FBXO8: variants seen among roughly 807,000 people sequenced by gnomAD.
FBXO8 encodes the protein F-box only protein 8.
FBXO8 carries 15 observed loss-of-function variants against 33.4 expected under a neutral mutation model. The observed-to-expected ratio is 0.45, with a 90% CI of 0.30 to 0.69. The LOEUF is 0.69. Among genes scored for constraint, FBXO8 ranks in the 30% least tolerant of loss-of-function variants. The pLI is 0.08. For missense variants in FBXO8, 274 were observed against 380.3 expected (o/e 0.72, Z 2.32); for synonymous variants, 132 against 131.5 (o/e 1.00, Z -0.02).
At chr4:174,240,648 T>C (rs1736014721) in intron 4 of FBXO8, among the ~76,000 whole-genome samples, 1 of 151,762 alleles carries the variant, frequency 6.6e-6, no homozygotes, top group African/African-American at 2.4e-5. Context: ...ATAACATTTC[T>C]ATATAGTGTC....
At chr4:174,250,299 T>C (rs1736257229) in intron 3 of FBXO8, among the ~76,000 whole-genome samples, 4 of 152,006 alleles carry the variant, frequency 2.6e-5, no homozygotes. Context: ...CCAGCTGACT[T>C]TCAAGACATG....
At position 174,281,342 on chromosome 4, in the gene FBXO8, G is replaced by A. The variant is rs1737082747; in HGVS notation, c.-9+2068C>T. On this transcript the variant is annotated intron_variant, in intron 1 of 5. Coordinates refer to ENST00000393674, the MANE Select transcript of FBXO8 (RefSeq NM_012180.3). The surrounding 1 kb of genome is among the most constrained non-coding windows in gnomAD (Gnocchi z 4.6). ...AAATACACGAACTGCTGACTAAATG[G>A]TTAAACTCCCTAAAGCTGTTGCCTA... Among the ~76,000 whole-genome samples the A allele has an allele frequency of 1.3e-5, 2 of 152,084 alleles. No individual in the cohort carries two copies. The highest frequency in any genetic ancestry group is 4.1e-4 in the South Asian group (2 of 4,824).
Position 174,262,625 on chromosome 4 carries a change from T to C in FBXO8, c.329+139A>G, listed in dbSNP as rs987971765. ...GACTGTGATGCTAACTGTATATTTT[T>C]CCAGGTTTTAATAAAGAGCATCTCA... On this transcript the variant is annotated intron_variant, in intron 2 of 5. Transcript: ENST00000393674. This position sits in a 1 kb window ranked among gnomAD's most constrained non-coding sequence, Gnocchi z 4.6. The C allele has an allele frequency of 3.0e-6, 2 of 672,264 alleles. No individual in the cohort carries two copies. The highest frequency in any genetic ancestry group is 5.9e-5 in the Admixed American group (2 of 34,022). The allele number at this position is 672,264 out of a possible 1,614,324, so 41.6% of individuals were successfully genotyped here.
rs1736504652 is a variant in FBXO8 at position 174,259,702 on chromosome 4, A to T, written c.453T>A (p.Asp151Glu). The T allele has an allele frequency of 6.2e-7, 1 of 1,609,284 alleles. No individual in the cohort carries two copies. Among genetic ancestry groups the T allele is most frequent in the Non-Finnish European group, 8.5e-7 (1 of 1,178,154 alleles). ...AATATTCAAGTTCTTCACTAACCTC[A>T]TCTGGGTTGGCATTAAAGGTGAGGC... ...EGSLTFNANP[D>E]EGVNYFMSKG... Residue 151 changes from aspartate (D) to glutamate (E), a missense_variant, in exon 3 of 6, where the codon GAT becomes GAA. Physicochemically the swap from Asp to Glu is conservative, Grantham distance 45. Coordinates refer to ENST00000393674, the MANE Select transcript of FBXO8 (RefSeq NM_012180.3). The surrounding 1 kb of genome is among the most constrained non-coding windows in gnomAD (Gnocchi z 4.3).
In FBXO8 at chr4:174,277,685, A is replaced by G. The variant is rs937385971; in HGVS notation, c.-9+5725T>C. ...GACATATGAATAGCCTCATTTAAATACACATTATAAATGGTCATTTTTCTT... is the reference window on the plus strand; with the variant it reads ...GACATATGAATAGCCTCATTTAAATGCACATTATAAATGGTCATTTTTCTT... On this transcript the variant is annotated intron_variant, in intron 1 of 5. Transcript: ENST00000393674. This position sits in a 1 kb window ranked among gnomAD's most constrained non-coding sequence, Gnocchi z 4.9. Among the ~76,000 whole-genome samples, 3 of 152,182 alleles carry G rather than the reference A, an allele frequency of 2.0e-5. No homozygotes were observed. The highest frequency in any genetic ancestry group is 2.0e-4 in the Admixed American group (3 of 15,282).
At chr4:174,250,526 C>CA (rs572388143) in intron 3 of FBXO8, among the ~76,000 whole-genome samples, 2 of 151,938 alleles carry the variant, frequency 1.3e-5, no homozygotes, top group Non-Finnish European at 2.9e-5. Flanking sequence ...TGCTAACAAC[C>CA]AAAAGAGATT....
rs576335052 is a variant in FBXO8 at position 174,261,852 on chromosome 4, G to A, written c.329+912C>T. Among the ~76,000 whole-genome samples the A allele has an allele frequency of 6.6e-6, 1 of 152,060 alleles. No individual in the cohort carries two copies. Among genetic ancestry groups the A allele is most frequent in the African/African-American group, 2.4e-5 (1 of 41,520 alleles). On this transcript the variant is annotated intron_variant, in intron 2 of 5. Coordinates refer to ENST00000393674, the MANE Select transcript of FBXO8 (RefSeq NM_012180.3). This position sits in a 1 kb window ranked among gnomAD's most constrained non-coding sequence, Gnocchi z 4.1. ...GATTTCTAGTTTGAAATTATAGGAA[G>A]TCTTAAAAAGATATTTGTTTTTAGT... is the stretch of plus-strand genomic sequence containing the variant.
rs114563211 is a variant in FBXO8, at chr4:174,246,563, T to C, written c.457-5345A>G. On this transcript the variant is annotated intron_variant, in intron 3 of 5. Transcript: ENST00000393674. Reference sequence around the variant, plus strand: ...TATATTAGTACAAAGGAGGAAAAAATGGCAAAATTAAAGGGAAAAAAGAGA... The same window carrying C: ...TATATTAGTACAAAGGAGGAAAAAACGGCAAAATTAAAGGGAAAAAAGAGA... Among the ~76,000 whole-genome samples, 807 of 150,566 alleles carry C rather than the reference T, an allele frequency of 5.4e-3. 7 individuals carry two copies. Among genetic ancestry groups the C allele is most frequent in the African/African-American group, 0.018 (753 of 41,014 alleles).
rs528824518 is a variant in FBXO8 at position 174,241,232 on chromosome 4, A to C, written c.457-14T>G. 5 of 1,465,086 alleles carry C rather than the reference A, an allele frequency of 3.4e-6. No individual in the cohort carries two copies. The Admixed American group carries it at 9.1e-5, about 27-fold the overall frequency. 90.8% of individuals were successfully genotyped at this position (1,465,086 alleles called of 1,614,324 possible). On this transcript the variant is annotated splice_polypyrimidine_tract_variant and intron_variant, in intron 3 of 5. Transcript: ENST00000393674. This position sits in a 1 kb window ranked among gnomAD's most constrained non-coding sequence, Gnocchi z 4.2. ...GTAGTTCACTCCCTAAGGCAGAAAGACAAGTCTACATAAATAAAATTGCTC... is the reference window on the plus strand; with the variant it reads ...GTAGTTCACTCCCTAAGGCAGAAAGCCAAGTCTACATAAATAAAATTGCTC...
In FBXO8 at chr4:174,274,551, G is replaced by T. The variant is rs1736909520; in HGVS notation, c.-9+8859C>A. 1.3e-5 allele frequency among the ~76,000 whole-genome samples: 2 copies of T among 152,058 alleles called. No individual in the cohort carries two copies. Among genetic ancestry groups the T allele is most frequent in the South Asian group, 4.1e-4 (2 of 4,824 alleles). ...GGAGAGATGCCATTTACATAGCAAGGCCATAGTTCCAACACGCACTAGTTT... is the reference window on the plus strand; with the variant it reads ...GGAGAGATGCCATTTACATAGCAAGTCCATAGTTCCAACACGCACTAGTTT... On this transcript the variant is annotated intron_variant, in intron 1 of 5. Coordinates refer to ENST00000393674, the MANE Select transcript of FBXO8 (RefSeq NM_012180.3). The surrounding 1 kb of genome is among the most constrained non-coding windows in gnomAD (Gnocchi z 4.0).
rs772681544 is a variant in FBXO8, at chr4:174,262,950, T to G, written c.143A>C (p.Gln48Pro). 3.7e-6 allele frequency: 6 copies of G among 1,614,064 alleles called. No individual in the cohort carries two copies. In the Middle Eastern group the frequency reaches 6.6e-4, roughly 178 times the overall value. Residue 48 changes from glutamine (Q) to proline (P), a missense_variant, in exon 2 of 6, where the codon CAA becomes CCA. By Grantham distance (76) the Gln-to-Pro change is moderately conservative (BLOSUM62 -1). This residue lies in a region of FBXO8 where 88 missense variants were observed against 86.9 expected (regional missense o/e 1.01). Coordinates refer to ENST00000393674, the MANE Select transcript of FBXO8 (RefSeq NM_012180.3). This position sits in a 1 kb window ranked among gnomAD's most constrained non-coding sequence, Gnocchi z 4.6. Reference protein sequence around the residue: ...ISNTNHRKQVQGGIDIYHLLK... With the variant: ...ISNTNHRKQVPGGIDIYHLLK... ...AAGATGATATATGTCAATGCCTCCT[T>G]GGACTTGTTTACGATGATTGGTGTT...
At chr4:174,280,778 G>T (rs536762917) in intron 1 of FBXO8, among the ~76,000 whole-genome samples, 1 of 152,226 alleles carries the variant, frequency 6.6e-6, no homozygotes, top group East Asian at 1.9e-4. Context: ...ATGAGGTTTT[G>T]GTTCTTTACC....
Position 174,247,570 on chromosome 4 carries a change from T to C in FBXO8, c.457-6352A>G, listed in dbSNP as rs1216485087. On this transcript the variant is annotated intron_variant, in intron 3 of 5. Coordinates refer to ENST00000393674, the MANE Select transcript of FBXO8 (RefSeq NM_012180.3). The surrounding 1 kb of genome is among the most constrained non-coding windows in gnomAD (Gnocchi z 4.6). ...TCAATCTAGATTTCTAACTTTTCTT[T>C]CAACATGATAACCAATATATTATTT... Among the ~76,000 whole-genome samples the C allele has an allele frequency of 2.6e-5, 4 of 152,056 alleles. No homozygotes were observed. Among genetic ancestry groups the C allele is most frequent in the African/African-American group, 9.7e-5 (4 of 41,416 alleles).
In FBXO8 at chr4:174,260,716, T is replaced by C. The variant is rs191672339; in HGVS notation, c.330-891A>G. On this transcript the variant is annotated intron_variant, in intron 2 of 5. Transcript: ENST00000393674. ...AAGTTAATGTTTTATCTTATTATAA[T>C]GCCTGGAAATTCTGGATATCCACCA... Among the ~76,000 whole-genome samples the C allele has an allele frequency of 7.2e-5, 11 of 152,116 alleles. No homozygotes were observed. In the East Asian group the frequency reaches 1.9e-3, roughly 27 times the overall value.
At position 174,275,261 on chromosome 4, in the gene FBXO8, G is replaced by A. The variant is rs1158286990; in HGVS notation, c.-9+8149C>T. ...TAAAAGCACAGTGTGAGAGATCCCT[G>A]TGGTGTTACAACTATTTACTATCTT... On this transcript the variant is annotated intron_variant, in intron 1 of 5. Transcript: ENST00000393674. This position sits in a 1 kb window ranked among gnomAD's most constrained non-coding sequence, Gnocchi z 4.4. 6.6e-6 allele frequency among the ~76,000 whole-genome samples: 1 copy of A among 152,174 alleles called. No homozygotes were observed. The highest frequency in any genetic ancestry group is 1.5e-5 in the Non-Finnish European group (1 of 68,024).
At chr4:174,269,855 G>A (rs769659290) in intron 1 of FBXO8, among the ~76,000 whole-genome samples, 42 of 152,024 alleles carry the variant, frequency 2.8e-4, no homozygotes, top group Non-Finnish European at 3.7e-4. Flanking sequence ...ATAGGCAAAC[G>A]AATATGATCC....
Position 174,254,964 on chromosome 4 carries a change from C to CA in FBXO8, c.456+4734dup, listed in dbSNP as rs1364965204. 6.6e-6 allele frequency among the ~76,000 whole-genome samples: 1 copy of CA among 152,016 alleles called. No individual in the cohort carries two copies. The highest frequency in any genetic ancestry group is 1.5e-5 in the Non-Finnish European group (1 of 67,956). ...TGGAATGTTTTTACCTTCCTCCTCC[C>CA]AAAAAAGAACACCACGTCAAACAAA... is the stretch of plus-strand genomic sequence containing the variant. On this transcript the variant is annotated intron_variant, in intron 3 of 5. Coordinates refer to ENST00000393674, the MANE Select transcript of FBXO8 (RefSeq NM_012180.3). This position sits in a 1 kb window ranked among gnomAD's most constrained non-coding sequence, Gnocchi z 4.2.
chr4:174,268,727 C>T (rs1426799759), intron 1 of FBXO8, among the ~76,000 whole-genome samples: 3 of 152,192 alleles, frequency 2.0e-5, no homozygotes, highest in African/African-American at 4.8e-5. Flanking sequence ...TGAGCCACCG[C>T]GCCCGGCCGG....
chr4:174,255,379 A>G lies in FBXO8; in HGVS notation c.456+4320T>C, dbSNP rs549793868. Among the ~76,000 whole-genome samples the G allele has an allele frequency of 2.0e-5, 3 of 152,292 alleles. No individual in the cohort carries two copies. In the East Asian group the frequency reaches 5.8e-4, roughly 29 times the overall value. ...TCCTGAAATGCTTTCTATAATGGAG[A>G]ACTACAAATTTCCTGTTTATACTTT... On this transcript the variant is annotated intron_variant, in intron 3 of 5. Transcript: ENST00000393674. The surrounding 1 kb of genome is among the most constrained non-coding windows in gnomAD (Gnocchi z 4.3).
Sources: allele counts gnomAD v4.1 joint callset (sites outside exome capture counted in the v4.1 genomes callset), GRCh38; gene constraint gnomAD v4.1.1; regional missense constraint gnomAD v4.1.1; non-coding constraint Gnocchi (gnomAD v3.1); transcripts MANE v1.5; gene names NCBI Gene and HGNC (gene_info 2026-07-23, HGNC 2026-07-21).